The following NUP153 variants were observed in gnomAD, a reference collection of about 807,000 sequenced individuals.
NUP153 encodes nuclear pore complex protein Nup153.
A neutral mutation model predicts 134.6 loss-of-function variants in NUP153; 27 were observed. That is an observed-to-expected ratio of 0.20 (90% confidence interval 0.15 to 0.28). The LOEUF (loss-of-function observed/expected upper bound fraction) is 0.28, where lower values mean the gene tolerates loss of function less well. NUP153 is among the 10% of genes least tolerant of loss of function. The pLI is 1.00. For missense variants in NUP153, 1,821 were observed against 1,731.3 expected (o/e 1.05, Z -0.92); for synonymous variants, 640 against 623.5 (o/e 1.03, Z -0.40).
intron 1 of NUP153, among the ~76,000 whole-genome samples, chr6:17,691,291 ACAC>A (rs1438297608): frequency 2.6e-5 from 4 of 152,346 alleles, no homozygotes; most frequent in African/African-American, 9.6e-5. Context: ...CTACTGAACA[ACAC>A]CAATTCACTG....
At chr6:17,698,215 G>A (rs758537117) in intron 1 of NUP153, among the ~76,000 whole-genome samples, 8 of 152,134 alleles carry the variant, frequency 5.3e-5, no homozygotes, top group Admixed American at 3.3e-4. Flanking sequence ...GATTGGATAG[G>A]GTAAACTTCG....
intron 20 of NUP153, among the ~76,000 whole-genome samples, chr6:17,618,542 T>C (rs1224916660): frequency 6.9e-6 from 1 of 145,368 alleles, no homozygotes; most frequent in Non-Finnish European, 1.5e-5. Context: ...ATTAAAGAAA[T>C]AGTGGAAGTT....
intron 9 of NUP153, among the ~76,000 whole-genome samples, chr6:17,662,629 C>T (rs1202459960): frequency 6.6e-6 from 1 of 152,132 alleles, no homozygotes; most frequent in East Asian, 1.9e-4. Flanking sequence ...AAGTTTCCTT[C>T]CCACAAAATA....
intron 17 of NUP153, 149 bp downstream of exon 17, chr6:17,632,498 TATA>T: frequency 1.7e-6 from 1 of 575,498 alleles, no homozygotes; most frequent in Non-Finnish European, 2.9e-6. Flanking sequence ...CAGAAACAGA[TATA>T]ACTAAAACAT....
intron 14 of NUP153, among the ~76,000 whole-genome samples, chr6:17,642,976 A>G (rs1765929810): frequency 6.6e-6 from 1 of 152,254 alleles, no homozygotes; most frequent in Admixed American, 6.5e-5. Context: ...AAGTCAATCC[A>G]TAGAGACAGA....
intron 1 of NUP153, among the ~76,000 whole-genome samples, chr6:17,704,667 A>G (rs1770357495): frequency 6.6e-6 from 1 of 152,058 alleles, no homozygotes; most frequent in South Asian, 2.1e-4. Flanking sequence ...AAATACCTGA[A>G]CCACAATTTT....
At chr6:17,618,175 T>G (rs1240375735) in intron 20 of NUP153, among the ~76,000 whole-genome samples, 1 of 152,160 alleles carries the variant, frequency 6.6e-6, no homozygotes, top group Non-Finnish European at 1.5e-5. Context: ...ACATCCAAAC[T>G]TTCCCAAGTA....
chr6:17,685,073 T>C (rs894988470), intron 2 of NUP153, among the ~76,000 whole-genome samples: 3 of 152,230 alleles, frequency 2.0e-5, no homozygotes, highest in Non-Finnish European at 2.9e-5. Context: ...ATCAACTTTC[T>C]TGACATGGGA....
Position 17,624,691 on chromosome 6 carries a change from T to C in NUP153, c.4044A>G (p.Thr1348=). ...GCTGAGAACCAGTGGGAAATAATGC[T>C]GTGGAAGATGATATAGATCCAAAGC... ...PPGFGSISSS[T]ALFPTGSQPA... The change falls in exon 20 of 22, where the codon ACA becomes ACG. Residue 1348 remains threonine, a synonymous_variant. Coordinates refer to ENST00000262077, the MANE Select transcript of NUP153 (RefSeq NM_005124.4). The C allele has an allele frequency of 6.2e-7, 1 of 1,614,134 alleles. No individual in the cohort carries two copies. Among genetic ancestry groups the C allele is most frequent in the Non-Finnish European group, 8.5e-7 (1 of 1,180,018 alleles).
At chr6:17,679,789 G>A (rs895045558) in intron 2 of NUP153, among the ~76,000 whole-genome samples, 1 of 152,148 alleles carries the variant, frequency 6.6e-6, no homozygotes, top group African/African-American at 2.4e-5. Context: ...AAAGAAAACA[G>A]CCATTCTTCG....
At chr6:17,657,885 A>T (rs1766932204) in intron 11 of NUP153, among the ~76,000 whole-genome samples, 1 of 152,180 alleles carries the variant, frequency 6.6e-6, no homozygotes, top group Admixed American at 6.5e-5. Flanking sequence ...TTTTAATGCA[A>T]ATTTCTTGCT....
chr6:17,624,176 G>A (rs1305595845), intron 20 of NUP153, among the ~76,000 whole-genome samples: 2 of 152,132 alleles, frequency 1.3e-5, no homozygotes, highest in Non-Finnish European at 2.9e-5. Flanking sequence ...ACAACTCAGC[G>A]GGACTGCCCC....
chr6:17,624,516 C>A, intron 20 of NUP153, 45 bp downstream of exon 20: 1 of 1,557,766 alleles, frequency 6.4e-7, no homozygotes. Context: ...TATTTTAAGA[C>A]ACACAAAACC....
At chr6:17,690,709 A>G (rs1353718892) in intron 1 of NUP153, among the ~76,000 whole-genome samples, 2 of 152,216 alleles carry the variant, frequency 1.3e-5, no homozygotes, top group African/African-American at 4.8e-5. Context: ...CAGTAGGTAC[A>G]GAAAACAATA....
intron 2 of NUP153, among the ~76,000 whole-genome samples, chr6:17,684,140 G>C (rs544834963): frequency 3.9e-5 from 6 of 152,268 alleles, no homozygotes; most frequent in African/African-American, 1.2e-4. Context: ...GCAGATGCTG[G>C]TGCCATGCCC....
chr6:17,666,439 C>T (rs1157120057), intron 8 of NUP153, among the ~76,000 whole-genome samples: 4 of 151,968 alleles, frequency 2.6e-5, no homozygotes, highest in East Asian at 3.9e-4. Context: ...CGTTTGAACC[C>T]GGAGGCAGAG....
intron 18 of NUP153, among the ~76,000 whole-genome samples, chr6:17,627,804 T>C (rs867652387): frequency 6.6e-6 from 1 of 152,234 alleles, no homozygotes; most frequent in Non-Finnish European, 1.5e-5. Context: ...TTGTGGCAAA[T>C]AGCTTTTCTC....
At chr6:17,634,129 T>G (rs1221607610) in intron 16 of NUP153, among the ~76,000 whole-genome samples, 1 of 152,120 alleles carries the variant, frequency 6.6e-6, no homozygotes, top group East Asian at 1.9e-4. Flanking sequence ...CTCCCACCAC[T>G]AACCCATCTC....
chr6:17,681,539 G>T (rs921406730), intron 2 of NUP153, among the ~76,000 whole-genome samples: 3 of 152,118 alleles, frequency 2.0e-5, no homozygotes, highest in African/African-American at 7.2e-5. Context: ...CTGAGATCAT[G>T]CCACTGTACT....
Sources: allele counts gnomAD v4.1 joint callset (sites outside exome capture counted in the v4.1 genomes callset), GRCh38; gene constraint gnomAD v4.1.1; transcripts MANE v1.5; gene names NCBI Gene and HGNC (gene_info 2026-07-23, HGNC 2026-07-21).